Variants in EMILIN2 observed in about 807,000 individuals in gnomAD.
EMILIN2 encodes EMILIN-2.
EMILIN2 carries 71 observed loss-of-function variants against 87.1 expected under a neutral mutation model. That is an observed-to-expected ratio of 0.82 (90% confidence interval 0.67 to 0.99). EMILIN2 has a LOEUF of 0.99. Among genes scored for constraint, EMILIN2 ranks in the 50% least tolerant of loss-of-function variants. The pLI is 0.00. For synonymous variants in EMILIN2, 581 were observed against 563.4 expected, an observed-to-expected ratio of 1.03 and a Z score of -0.44; for missense variants, 1,407 against 1,371.8, an observed-to-expected ratio of 1.03 and a Z score of -0.40.
At chr18:2,892,537 C>T (rs371211870) in intron 4 of EMILIN2, 51 bp downstream of exon 4, 184 of 1,510,050 alleles carry the variant, frequency 1.2e-4, no homozygotes, top group Non-Finnish European at 6.8e-5. Flanking sequence ...CAGCACGCAA[C>T]AACATTTTAA....
intron 4 of EMILIN2, among the ~76,000 whole-genome samples, chr18:2,898,352 C>T (rs1356797353): frequency 1.3e-5 from 2 of 152,216 alleles, no homozygotes; most frequent in East Asian, 1.9e-4. Flanking sequence ...TGGGGCAGCC[C>T]GCCCTCCCCA....
In EMILIN2 at chr18:2,890,615, C is replaced by T. The variant is rs763628761; in HGVS notation, c.488C>T (p.Thr163Ile). The T allele has an allele frequency of 5.0e-6, 8 of 1,611,214 alleles. No individual in the cohort carries two copies. The highest frequency in any genetic ancestry group is 1.1e-5 in the South Asian group (1 of 90,966). The change falls in exon 4 of 8, where the codon ACA becomes ATA. Residue 163 changes from threonine (T) to isoleucine (I), a missense_variant. By Grantham distance (89) the Thr-to-Ile change is moderately conservative. Transcript: ENST00000254528. This position sits in a 1 kb window ranked among gnomAD's most constrained non-coding sequence, Gnocchi z 4.7. ...EPRKTLSPTG[T>I]AQPSWGVDPK... ...AGGAAGACTTTGTCCCCAACTGGTA[C>T]AGCACAACCAAGCTGGGGGGTAGAT...
intron 4 of EMILIN2, among the ~76,000 whole-genome samples, chr18:2,898,364 C>T (rs192271339): frequency 6.6e-6 from 1 of 152,336 alleles, no homozygotes; most frequent in East Asian, 1.9e-4. Context: ...CCCTCCCCAG[C>T]TGGCTTTAGC....
chr18:2,882,450 C>A (rs919528288), intron 2 of EMILIN2, among the ~76,000 whole-genome samples: 8 of 152,184 alleles, frequency 5.3e-5, no homozygotes, highest in Non-Finnish European at 7.3e-5. Flanking sequence ...AGAACCACTG[C>A]CCTAAAGATC....
intron 2 of EMILIN2, 74 bp from the exon 3 acceptor site, chr18:2,884,890 T>G: frequency 1.4e-6 from 2 of 1,480,568 alleles, no homozygotes; most frequent in Non-Finnish European, 1.8e-6. Context: ...TGAGTCCTCT[T>G]TATTTGGGTC....
rs150845326 is a variant in EMILIN2, at chr18:2,878,935, G to A, written c.258-6029G>A. Among the ~76,000 whole-genome samples, 211 of 152,254 alleles carry A rather than the reference G, an allele frequency of 1.4e-3. 1 individual carries two copies. The highest frequency in any genetic ancestry group is 4.8e-3 in the African/African-American group (198 of 41,546). On this transcript the variant is annotated intron_variant, in intron 2 of 7. Coordinates refer to ENST00000254528, the MANE Select transcript of EMILIN2 (RefSeq NM_032048.3). ...AAGCGAGTGTCCCCAAGGGGGCAAC[G>A]GGTTTTGGTTCTGTGCAGTTTTAGT...
At chr18:2,854,496 A>G (rs1432101057) in intron 2 of EMILIN2, among the ~76,000 whole-genome samples, 2 of 152,112 alleles carry the variant, frequency 1.3e-5, no homozygotes, top group Non-Finnish European at 2.9e-5. Flanking sequence ...AAACACACAC[A>G]CACACAGAAC....
rs2076958642 is a variant in EMILIN2, at chr18:2,914,860, CTT to C, written c.*1458_*1459del. ...GTTTTACTATTTAAAATGTGGACCT[CTT>C]TGTCCAGGAGCGGGAGGGAGAATGG... On this transcript the variant is annotated 3_prime_UTR_variant, in exon 8 of 8. Coordinates refer to ENST00000254528, the MANE Select transcript of EMILIN2 (RefSeq NM_032048.3). The C allele has an allele frequency of 1.3e-5, 2 of 152,220 alleles. No individual in the cohort carries two copies. The highest frequency in any genetic ancestry group is 1.9e-4 in the East Asian group (1 of 5,200). The allele number at this position is 152,220 out of a possible 1,614,324, so 9.4% of individuals were successfully genotyped here.
chr18:2,891,953 G>A lies in EMILIN2; in HGVS notation c.1826G>A (p.Ser609Asn), dbSNP rs1272897220. 1 of 1,614,076 alleles carries A rather than the reference G, an allele frequency of 6.2e-7. No individual in the cohort carries two copies. Among genetic ancestry groups the A allele is most frequent in the Non-Finnish European group, 8.5e-7 (1 of 1,180,046 alleles). ...QTIQKLQQDF[S>N]FLYSQLNHTE... Reference sequence around the variant, plus strand: ...ATCCAGAAACTTCAACAGGATTTTAGTTTTCTTTATTCTCAATTAAACCAC... The same window carrying A: ...ATCCAGAAACTTCAACAGGATTTTAATTTTCTTTATTCTCAATTAAACCAC... The change falls in exon 4 of 8, where the codon AGT becomes AAT. Residue 609 changes from serine to asparagine, a missense_variant. By Grantham distance (46) the Ser-to-Asn change is conservative. Coordinates refer to ENST00000254528, the MANE Select transcript of EMILIN2 (RefSeq NM_032048.3). This position sits in a 1 kb window ranked among gnomAD's most constrained non-coding sequence, Gnocchi z 4.6.
chr18:2,885,802 G>A (rs1345084294), intron 3 of EMILIN2, among the ~76,000 whole-genome samples: 1 of 152,218 alleles, frequency 6.6e-6, no homozygotes, highest in Admixed American at 6.5e-5. Flanking sequence ...ACAGGCGTGA[G>A]CCACTGTGCC....
chr18:2,870,068 C>T (rs1416644828), intron 2 of EMILIN2, among the ~76,000 whole-genome samples: 3 of 152,100 alleles, frequency 2.0e-5, no homozygotes, highest in Middle Eastern at 6.8e-3. Flanking sequence ...TGGCAAAACC[C>T]AGTCTCTACC....
intron 2 of EMILIN2, among the ~76,000 whole-genome samples, chr18:2,851,374 G>A: frequency 6.6e-6 from 1 of 152,172 alleles, no homozygotes; most frequent in African/African-American, 2.4e-5. Context: ...GTTCGAGGCT[G>A]CAGTGAGCTA....
chr18:2,909,658 G>C, intron 6 of EMILIN2, 33 bp from the exon 7 acceptor site: 1 of 1,609,684 alleles, frequency 6.2e-7, no homozygotes, highest in Admixed American at 1.7e-5. Context: ...AGAAGCACCC[G>C]GGTCAATCCA....
chr18:2,900,031 G>A (rs1364976718), intron 4 of EMILIN2, among the ~76,000 whole-genome samples: 1 of 152,114 alleles, frequency 6.6e-6, no homozygotes, highest in African/African-American at 2.4e-5. Flanking sequence ...CCTATCCCAC[G>A]AGTTTCACCA....
intron 4 of EMILIN2, among the ~76,000 whole-genome samples, chr18:2,902,933 C>T (rs754001978): frequency 1.1e-4 from 17 of 152,104 alleles, no homozygotes; most frequent in East Asian, 1.9e-4. Flanking sequence ...GGTGATTTGA[C>T]GGGTTGGTGA....
At chr18:2,889,366 A>G (rs559480796) in intron 3 of EMILIN2, among the ~76,000 whole-genome samples, 21 of 151,850 alleles carry the variant, frequency 1.4e-4, no homozygotes, top group South Asian at 1.0e-3. Context: ...TTGAACTCCT[A>G]TCCTCAAGCA....
rs572340094 is a variant in EMILIN2, at chr18:2,873,665, T to C, written c.258-11299T>C. 3.4e-3 allele frequency among the ~76,000 whole-genome samples: 502 copies of C among 147,920 alleles called. 3 individuals carry two copies. Among genetic ancestry groups the C allele is most frequent in the African/African-American group, 0.011 (441 of 39,812 alleles). On this transcript the variant is annotated intron_variant, in intron 2 of 7. Transcript: ENST00000254528. ...GAGCTTGCAGTGAGCCAAGATCGCG[T>C]CACTGCACTCCAGCCTGGGCGACAG...
intron 2 of EMILIN2, among the ~76,000 whole-genome samples, chr18:2,862,566 A>G (rs2143971649): frequency 6.6e-6 from 1 of 152,330 alleles, no homozygotes; most frequent in Non-Finnish European, 1.5e-5. Context: ...CCCAGGGATG[A>G]AGCCCACTTG....
intron 4 of EMILIN2, among the ~76,000 whole-genome samples, chr18:2,900,280 T>C (rs899323723): frequency 1.6e-4 from 24 of 152,226 alleles, no homozygotes; most frequent in Non-Finnish European, 1.2e-4. Flanking sequence ...CTTGAACTCC[T>C]GGGCTCATGC....
Sources: gnomAD v4.1 joint callset for allele counts (sites outside exome capture counted in the v4.1 genomes callset) on GRCh38, gnomAD v4.1.1 for gene constraint, Gnocchi (gnomAD v3.1) non-coding constraint, MANE v1.5 for transcripts, NCBI Gene and HGNC (gene_info 2026-07-23, HGNC 2026-07-21) for gene names.